Variants in EXOC4 observed in about 807,000 individuals in gnomAD.
EXOC4 encodes SEC8-like 1.
Under a neutral mutation model 107.2 loss-of-function variants are expected in EXOC4, and 71 were observed. The observed-to-expected ratio is 0.66, with a 90% CI of 0.55 to 0.81. EXOC4 has a LOEUF of 0.81. Ranked by LOEUF, EXOC4 falls within the 30% of genes least tolerant of loss-of-function variation. EXOC4 has a pLI of 0.00. For missense variants in EXOC4, 1,108 were observed against 1,189.6 expected, an observed-to-expected ratio of 0.93 and a Z score of 1.01; for synonymous variants, 456 against 441.2, an observed-to-expected ratio of 1.03 and a Z score of -0.42.
chr7:133,667,383 T>G (rs1288691478), intron 10 of EXOC4, among the ~76,000 whole-genome samples: 1 of 152,192 alleles, frequency 6.6e-6, no homozygotes, highest in Non-Finnish European at 1.5e-5. Context: ...TCCCAACACC[T>G]CAGTGAGTAT....
intron 10 of EXOC4, among the ~76,000 whole-genome samples, chr7:133,672,241 A>G (rs1455555394): frequency 1.3e-5 from 2 of 151,914 alleles, no homozygotes. Flanking sequence ...AATACAAAAA[A>G]TTAGCCGGGC....
chr7:133,317,965 A>C (rs1052093180), intron 5 of EXOC4, among the ~76,000 whole-genome samples: 1 of 152,192 alleles, frequency 6.6e-6, no homozygotes, highest in Non-Finnish European at 1.5e-5. Flanking sequence ...GGCGACCAGC[A>C]CTGTTTTTCT....
intron 9 of EXOC4, among the ~76,000 whole-genome samples, chr7:133,613,879 A>G (rs1173633234): frequency 6.6e-6 from 1 of 152,172 alleles, no homozygotes; most frequent in Non-Finnish European, 1.5e-5. Context: ...ATGATTCCAG[A>G]TATAGGGAAG....
At chr7:133,940,751 A>G (rs62470438) in intron 14 of EXOC4, among the ~76,000 whole-genome samples, 41,487 of 151,948 alleles carry the variant, frequency 0.27, 6,251 homozygotes, top group Non-Finnish European at 0.34. Context: ...GACTCTAGAA[A>G]GGGAACAAGG....
intron 9 of EXOC4, among the ~76,000 whole-genome samples, chr7:133,536,820 T>G (rs753418259): frequency 3.3e-5 from 5 of 152,036 alleles, no homozygotes; most frequent in Non-Finnish European, 7.4e-5. Context: ...CTCTTACTAT[T>G]GTATCTACAT....
At chr7:133,946,389 C>A (rs11764961) in intron 14 of EXOC4, among the ~76,000 whole-genome samples, 45,707 of 152,036 alleles carry the variant, frequency 0.3, 7,287 homozygotes, top group Non-Finnish European at 0.34. Context: ...GGCCTTATCT[C>A]ATTAACATTA....
intron 7 of EXOC4, among the ~76,000 whole-genome samples, chr7:133,425,868 T>A (rs1258117320): frequency 2.0e-5 from 3 of 152,142 alleles, no homozygotes; most frequent in African/African-American, 7.2e-5. Context: ...CCAGAAAAAA[T>A]TTAAATCTAC....
At chr7:133,406,598 C>G (rs1322365242) in intron 7 of EXOC4, among the ~76,000 whole-genome samples, 4 of 152,050 alleles carry the variant, frequency 2.6e-5, no homozygotes. Flanking sequence ...TGATGAAATA[C>G]AAAGGGTGAA....
At chr7:133,899,402 G>A (rs542941040) in intron 12 of EXOC4, among the ~76,000 whole-genome samples, 1 of 152,224 alleles carries the variant, frequency 6.6e-6, no homozygotes, top group Non-Finnish European at 1.5e-5. Flanking sequence ...TCAAGTGGCT[G>A]GAAGCCACTG....
chr7:134,100,209 C>T, the EXOC4 span, among the ~76,000 whole-genome samples: 1 of 152,018 alleles, frequency 6.6e-6, no homozygotes, highest in Non-Finnish European at 1.5e-5. Flanking sequence ...GAGACAGACA[C>T]ATACACAGGG....
intron 17 of EXOC4, among the ~76,000 whole-genome samples, chr7:134,038,165 T>A (rs1253263713): frequency 6.6e-6 from 1 of 152,232 alleles, no homozygotes; most frequent in Non-Finnish European, 1.5e-5. Context: ...AGGATTAGCA[T>A]ATCTGGCAGA....
chr7:133,384,830 T>G (rs1364103504), intron 7 of EXOC4, among the ~76,000 whole-genome samples: 1 of 151,382 alleles, frequency 6.6e-6, no homozygotes, highest in Non-Finnish European at 1.5e-5. Context: ...TTTTTCTGTA[T>G]GCCAAATTCT....
At chr7:133,979,809 C>T (rs558591525) in intron 14 of EXOC4, among the ~76,000 whole-genome samples, 4 of 152,090 alleles carry the variant, frequency 2.6e-5, no homozygotes, top group African/African-American at 4.8e-5. Flanking sequence ...AAAAAAAACC[C>T]TAAATTGCCT....
intron 9 of EXOC4, among the ~76,000 whole-genome samples, chr7:133,493,474 T>C (rs199976797): frequency 6.6e-6 from 1 of 152,186 alleles, no homozygotes; most frequent in Non-Finnish European, 1.5e-5. Context: ...CTGGCACATA[T>C]TAAGTACAGA....
At chr7:133,649,819 G>T (rs1372098947) in intron 10 of EXOC4, among the ~76,000 whole-genome samples, 1 of 152,120 alleles carries the variant, frequency 6.6e-6, no homozygotes, top group Non-Finnish European at 1.5e-5. Context: ...ACTTCATTCA[G>T]TATTTTTGTT....
intron 9 of EXOC4, among the ~76,000 whole-genome samples, chr7:133,501,149 A>G (rs1799568832): frequency 6.6e-6 from 1 of 152,194 alleles, no homozygotes; most frequent in Non-Finnish European, 1.5e-5. Context: ...ATTATTGTAT[A>G]TATCTATATT....
intron 9 of EXOC4, among the ~76,000 whole-genome samples, chr7:133,559,552 A>G (rs1054327290): frequency 1.3e-5 from 2 of 152,126 alleles, no homozygotes; most frequent in African/African-American, 4.8e-5. Flanking sequence ...GCGTAATTAG[A>G]ATTTCTTGAT....
intron 5 of EXOC4, among the ~76,000 whole-genome samples, chr7:133,352,843 A>G (rs947953997): frequency 6.6e-6 from 1 of 152,042 alleles, no homozygotes; most frequent in African/African-American, 2.4e-5. Flanking sequence ...CATAGGAATT[A>G]CATTTAACAT....
intron 9 of EXOC4, among the ~76,000 whole-genome samples, chr7:133,627,771 G>A (rs1802491846): frequency 6.6e-6 from 1 of 152,114 alleles, no homozygotes; most frequent in African/African-American, 2.4e-5. Flanking sequence ...GTACAAGATG[G>A]ATTTTTTTTA....
Sources: allele counts gnomAD v4.1 joint callset (sites outside exome capture counted in the v4.1 genomes callset), GRCh38; gene constraint gnomAD v4.1.1; transcripts MANE v1.5; gene names NCBI Gene and HGNC (gene_info 2026-07-23, HGNC 2026-07-21).